The following FGA variants were observed in gnomAD, a reference collection of about 807,000 sequenced individuals.
FGA encodes the protein fibrinogen, A alpha polypeptide.
A neutral mutation model predicts 20.3 loss-of-function variants in FGA; 20 were observed. The observed-to-expected ratio is 0.99, with a 90% CI of 0.69 to 1.43. FGA has a LOEUF of 1.43. Among genes scored for constraint, FGA ranks in the 40% most tolerant of loss-of-function variants. The pLI is 0.00. For missense variants in FGA, 777 were observed against 784.7 expected (o/e 0.99, Z 0.12); for synonymous variants, 306 against 281.6 (o/e 1.09, Z -0.87).
intron 1 of FGA, among the ~76,000 whole-genome samples, chr4:154,589,884 A>G (rs1172598176): frequency 6.6e-6 from 1 of 152,228 alleles, no homozygotes; most frequent in African/African-American, 2.4e-5. Context: ...AATCTATAAA[A>G]TCAGTTAAAT....
rs1404568083 is a variant in FGA at position 154,586,436 on chromosome 4, A to G, written c.993T>C (p.Thr331=). Residue 331 remains threonine (T), a synonymous_variant, in exon 5 of 5, where the codon ACT becomes ACC. Transcript: ENST00000403106. Reference sequence around the variant, plus strand: ...CAGAGCTCCCAGAGTTCCAGCTTCCAGTACTTCCAGGTCCAGAGCTCCCAG... The same window carrying G: ...CAGAGCTCCCAGAGTTCCAGCTTCCGGTACTTCCAGGTCCAGAGCTCCCAG... ...WKPGSSGPGS[T]GSWNSGSSGT... The G allele has an allele frequency of 1.2e-6, 2 of 1,610,612 alleles. No homozygotes were observed. Among genetic ancestry groups the G allele is most frequent in the Non-Finnish European group, 1.7e-6 (2 of 1,177,988 alleles).
intron 3 of FGA, 148 bp from the exon 4 acceptor site, chr4:154,587,805 G>GAAAGAAAGAGA (rs1560826874): frequency 3.9e-6 from 2 of 518,242 alleles, no homozygotes; most frequent in South Asian, 4.4e-5. Context: ...GAAAGAAAGA[G>GAAAGAAAGAGA]AAAAAAGAAA....
chr4:154,585,542 G>A lies in FGA; in HGVS notation c.1887C>T (p.Val629=). 6.2e-7 allele frequency: 1 copy of A among 1,613,964 alleles called. No homozygotes were observed. The highest frequency in any genetic ancestry group is 1.7e-5 in the Admixed American group (1 of 60,024). The stretch of plus-strand genomic sequence containing the variant: ...CCAAAGGAGAAGTGTGGATACCTCT[G>A]ACAGGGCGAGATTTAGCATGGCCTC... ...TKRGHAKSRP[V]RGIHTSPLGK... Residue 629 remains valine (V), a synonymous_variant, in exon 5 of 5, where the codon GTC becomes GTT. Coordinates refer to ENST00000403106, the MANE Select transcript of FGA (RefSeq NM_021871.4).
Position 154,587,459 on chromosome 4 carries a change from CT to C in FGA, c.510+52del, listed in dbSNP as rs527793968. ...CACTCAGTGCATAACTATCGCCTTC[CT>C]TTTCCCTCTACTCAGAAACAAGGAC... On this transcript the variant is annotated intron_variant, in intron 4 of 4. Transcript: ENST00000403106. 5.7e-5 allele frequency: 88 copies of C among 1,545,686 alleles called. 1 individual carries two copies. In the Admixed American group the frequency reaches 1.2e-3, roughly 20 times the overall value.
downstream of FGA, chr4:154,584,107 A>G (rs759822155): frequency 5.0e-6 from 8 of 1,591,518 alleles, no homozygotes; most frequent in Non-Finnish European, 6.9e-6. Flanking sequence ...GAGTGCTCCC[A>G]TTCCCACTTC....
Position 154,586,293 on chromosome 4 carries a change from A to G in FGA, c.1136T>C (p.Val379Ala), listed in dbSNP as rs867808266. ...SAGHWTSESS[V>A]SGSTGQWHSE... Reference sequence around the variant, plus strand: ...GTGCCATTGTCCAGTACTACCAGATACAGAGCTCTCAGAGGTCCAGTGCCC... The same window carrying G: ...GTGCCATTGTCCAGTACTACCAGATGCAGAGCTCTCAGAGGTCCAGTGCCC... Residue 379 changes from valine to alanine, a missense_variant, in exon 5 of 5, where the codon GTA (valine) becomes GCA (alanine). Transcript: ENST00000403106. The G allele has an allele frequency of 8.1e-6, 13 of 1,614,068 alleles. No homozygotes were observed. The highest frequency in any genetic ancestry group is 1.6e-4 in the Middle Eastern group (1 of 6,084).
At chr4:154,584,277 A>G, downstream of FGA, 1 of 1,614,068 alleles carries the variant, frequency 6.2e-7, no homozygotes, top group Non-Finnish European at 8.5e-7. Flanking sequence ...TTCCATTGAG[A>G]TTGGCTGCTT....
rs1428162309 is a variant in FGA at position 154,586,003 on chromosome 4, T to C, written c.1426A>G (p.Lys476Glu). Residue 476 changes from lysine (K) to glutamate (E), a missense_variant, in exon 5 of 5, where the codon AAA becomes GAA. By Grantham distance (56) the Lys-to-Glu change is moderately conservative. Transcript: ENST00000403106. ...TKTVIGPDGHKEVTKEVVTSE... is the reference protein window; with the variant it reads ...TKTVIGPDGHEEVTKEVVTSE... ...GTCACCACTTCTTTGGTAACTTCTT[T>C]GTGACCATCAGGACCAATAACAGTC... The C allele has an allele frequency of 5.6e-6, 9 of 1,614,062 alleles. No homozygotes were observed. The Admixed American group carries it at 1.2e-4, about 21-fold the overall frequency.
At chr4:154,587,926 T>C (rs1292693305) in intron 3 of FGA, among the ~76,000 whole-genome samples, 1 of 152,214 alleles carries the variant, frequency 6.6e-6, no homozygotes, top group Admixed American at 6.5e-5. Context: ...CCCTGCAGCC[T>C]TCCATGAATG....
At chr4:154,584,385 G>T (rs755826305), downstream of FGA, 50 of 1,614,002 alleles carry the variant, frequency 3.1e-5, 1 homozygote, top group South Asian at 4.9e-4. Context: ...GCATGTTGTT[G>T]TGAGAGGTGT....
chr4:154,589,047 T>C, intron 2 of FGA, 71 bp from the exon 3 acceptor site: 1 of 1,342,224 alleles, frequency 7.5e-7, no homozygotes, highest in South Asian at 1.2e-5. Context: ...CATGTTTCCA[T>C]GCAGCCCCCA....
chr4:154,584,763 T>A, downstream of FGA: 1 of 1,614,076 alleles, frequency 6.2e-7, no homozygotes, highest in Non-Finnish European at 8.5e-7. Context: ...TCTTACTGGA[T>A]CCCGGTAGCT....
At chr4:154,585,093 T>C (rs1730674484), downstream of FGA, among the ~76,000 whole-genome samples, 1 of 152,230 alleles carries the variant, frequency 6.6e-6, no homozygotes, top group East Asian at 1.9e-4. Context: ...TAATAGCAAG[T>C]AACCAGTACA....
chr4:154,585,583 T>C lies in FGA; in HGVS notation c.1846A>G (p.Thr616Ala), dbSNP rs760669110. ...EAGSEADHEG[T>A]HSTKRGHAKS... The stretch of plus-strand genomic sequence containing the variant: ...GCATGGCCTCTCTTGGTGCTATGTG[T>C]TCCTTCATGATCGGCTTCACTTCCG... Residue 616 changes from threonine (T) to alanine (A), a missense_variant, in exon 5 of 5, where the codon ACA (threonine) becomes GCA (alanine). Transcript: ENST00000403106. 1.9e-6 allele frequency: 3 copies of C among 1,614,158 alleles called. No homozygotes were observed. The highest frequency in any genetic ancestry group is 2.5e-6 in the Non-Finnish European group (3 of 1,180,004).
chr4:154,584,513 C>T (rs1387009482), downstream of FGA: 3 of 1,614,158 alleles, frequency 1.9e-6, no homozygotes. Context: ...TGATATTCTG[C>T]ATAAGCTTCA....
chr4:154,584,144 T>C (rs1730650071), downstream of FGA: 1 of 1,613,954 alleles, frequency 6.2e-7, no homozygotes, highest in Non-Finnish European at 8.5e-7. Flanking sequence ...ACAAGGGGCC[T>C]AATTTTCATG....
chr4:154,585,425 G>C lies in FGA; in HGVS notation c.*69C>G. The C allele has an allele frequency of 8.2e-7, 1 of 1,213,478 alleles. No individual in the cohort carries two copies. The highest frequency in any genetic ancestry group is 1.3e-5 in the South Asian group (1 of 77,196). The allele number at this position is 1,213,478 out of a possible 1,614,324, so 75.2% of individuals were successfully genotyped here. A position where few individuals can be genotyped will look rare whatever the true frequency, so the allele number is the denominator to read the frequency against. Reference sequence around the variant, plus strand: ...ACCAAAAAAGTGTAGTTTCAATGACGTGTAACAGAGAGTTAAGAAGGAAAT... The same window carrying C: ...ACCAAAAAAGTGTAGTTTCAATGACCTGTAACAGAGAGTTAAGAAGGAAAT... On this transcript the variant is annotated 3_prime_UTR_variant, in exon 5 of 5. Coordinates refer to ENST00000403106, the MANE Select transcript of FGA (RefSeq NM_021871.4).
chr4:154,583,996 C>A, downstream of FGA: 2 of 744,686 alleles, frequency 2.7e-6, no homozygotes, highest in Non-Finnish European at 4.7e-6. Context: ...AGCTACAGTA[C>A]AAAGGATAAG....
chr4:154,587,017 T>A, intron 4 of FGA, 99 bp from the exon 5 acceptor site: 1 of 1,240,318 alleles, frequency 8.1e-7, no homozygotes, highest in South Asian at 1.3e-5. Context: ...TGGAAACTGG[T>A]TTCATTTTTT....
Sources: gnomAD v4.1 joint callset for allele counts (sites outside exome capture counted in the v4.1 genomes callset) on GRCh38, gnomAD v4.1.1 for gene constraint, MANE v1.5 for transcripts, NCBI Gene and HGNC (gene_info 2026-07-23, HGNC 2026-07-21) for gene names.